The following KAZN variants were observed in gnomAD, a reference collection of about 807,000 sequenced individuals.
KAZN encodes kazrin, periplakin interacting protein.
A neutral mutation model predicts 87.4 loss-of-function variants in KAZN; 40 were observed. The ratio of observed to expected loss-of-function variants is 0.46; its 90% confidence interval spans 0.36 to 0.60. The LOEUF (loss-of-function observed/expected upper bound fraction) is 0.60, where lower values mean the gene tolerates loss of function less well. Ranked by LOEUF, KAZN falls within the 20% of genes least tolerant of loss-of-function variation. KAZN has a pLI of 0.00. For missense variants in KAZN, 898 were observed against 1,073.9 expected (o/e 0.84, Z 2.29); for synonymous variants, 466 against 458.3 (o/e 1.02, Z -0.22).
At chr1:14,370,625 A>G (rs1660402047) in intron 2 of KAZN, among the ~76,000 whole-genome samples, 1 of 151,228 alleles carries the variant, frequency 6.6e-6, no homozygotes, top group Non-Finnish European at 1.5e-5. Context: ...TATTGGGCTG[A>G]AAAACCTGGG....
chr1:15,064,662 G>A (rs1000503871), intron 7 of KAZN, among the ~76,000 whole-genome samples: 12 of 152,188 alleles, frequency 7.9e-5, no homozygotes, highest in South Asian at 2.1e-4. Context: ...TGGAGCCCCC[G>A]GTGGCCATAC....
At chr1:14,137,509 A>C (rs1645133144) in intron 1 of KAZN, among the ~76,000 whole-genome samples, 1 of 152,100 alleles carries the variant, frequency 6.6e-6, no homozygotes, top group Admixed American at 6.6e-5. Flanking sequence ...CTCAAGTTCT[A>C]TTGATACCAC....
chr1:14,408,362 A>C (rs950516705), intron 2 of KAZN, among the ~76,000 whole-genome samples: 1 of 152,144 alleles, frequency 6.6e-6, no homozygotes, highest in Non-Finnish European at 1.5e-5. Flanking sequence ...TCCTTCATTC[A>C]TCTAGTAGAT....
chr1:14,726,276 G>A (rs2100325602), intron 1 of KAZN, among the ~76,000 whole-genome samples: 1 of 152,346 alleles, frequency 6.6e-6, no homozygotes, highest in East Asian at 1.9e-4. Flanking sequence ...AGAAGCAGAT[G>A]TACACCCCGC....
At chr1:14,915,600 CT>C (rs1335126869) in intron 1 of KAZN, among the ~76,000 whole-genome samples, 15 of 152,228 alleles carry the variant, frequency 9.9e-5, no homozygotes, top group African/African-American at 3.6e-4. Context: ...TGAGTCCCCC[CT>C]CTTTATGAAG....
rs1230904304 is a variant in KAZN, at chr1:14,969,514, C to T, written c.418+8639C>T. On this transcript the variant is annotated intron_variant, in intron 2 of 14. Coordinates refer to ENST00000376030, the MANE Select transcript of KAZN (RefSeq NM_201628.3). ...TAGAAGACTCTTTGCTGGTAAATCT[C>T]GGAACTCACTGGAAGCTTCCACAAA... is the stretch of plus-strand genomic sequence containing the variant. 4.6e-5 allele frequency among the ~76,000 whole-genome samples: 7 copies of T among 152,348 alleles called. No homozygotes were observed. The East Asian group carries it at 5.8e-4, about 13-fold the overall frequency.
intron 1 of KAZN, among the ~76,000 whole-genome samples, chr1:14,660,064 C>T (rs1639050227): frequency 6.6e-6 from 1 of 152,128 alleles, no homozygotes; most frequent in Non-Finnish European, 1.5e-5. Flanking sequence ...CCCAGGGCAG[C>T]CGCTCTGCAA....
intron 1 of KAZN, among the ~76,000 whole-genome samples, chr1:14,034,371 T>C (rs1641457165): frequency 6.6e-6 from 1 of 152,194 alleles, no homozygotes; most frequent in South Asian, 2.1e-4. Flanking sequence ...AGAGTCCTGT[T>C]TGGCCAGGGC....
intron 2 of KAZN, among the ~76,000 whole-genome samples, chr1:14,983,058 C>A (rs747479733): frequency 3.3e-5 from 5 of 152,336 alleles, no homozygotes; most frequent in Non-Finnish European, 7.3e-5. Context: ...GCTAACAAAT[C>A]GCTTTTGCCT....
intron 1 of KAZN, among the ~76,000 whole-genome samples, chr1:13,988,021 A>G (rs1305720233): frequency 6.6e-6 from 1 of 152,198 alleles, no homozygotes; most frequent in African/African-American, 2.4e-5. Flanking sequence ...AAGCACTTTT[A>G]TAATTGACAT....
At chr1:13,993,642 C>A (rs1269445800) in intron 1 of KAZN, among the ~76,000 whole-genome samples, 2 of 152,166 alleles carry the variant, frequency 1.3e-5, no homozygotes, top group Non-Finnish European at 2.9e-5. Flanking sequence ...AGATCCCAGC[C>A]TTCGTGGAGC....
intron 2 of KAZN, among the ~76,000 whole-genome samples, chr1:14,202,529 C>A (rs1039110447): frequency 4.6e-5 from 7 of 152,118 alleles, no homozygotes; most frequent in African/African-American, 1.7e-4. Context: ...GTGGGGAGAA[C>A]AAGTTCTGGA....
chr1:14,291,664 G>C (rs900150169), intron 2 of KAZN, among the ~76,000 whole-genome samples: 5 of 152,166 alleles, frequency 3.3e-5, no homozygotes, highest in African/African-American at 1.2e-4. Context: ...GCCCTGCCCT[G>C]TTTCAGCTCA....
intron 1 of KAZN, among the ~76,000 whole-genome samples, chr1:14,707,665 T>A (rs1476119080): frequency 6.6e-6 from 1 of 152,210 alleles, no homozygotes; most frequent in African/African-American, 2.4e-5. Context: ...TTGAAGATTT[T>A]GCTCCAAGAC....
intron 2 of KAZN, among the ~76,000 whole-genome samples, chr1:14,318,432 G>C (rs190184483): frequency 3.3e-5 from 5 of 151,680 alleles, no homozygotes; most frequent in Non-Finnish European, 7.4e-5. Context: ...TTTTATCTTT[G>C]TTCCTTTGAG....
intron 2 of KAZN, among the ~76,000 whole-genome samples, chr1:15,029,306 C>T (rs1671456488): frequency 6.6e-6 from 1 of 152,234 alleles, no homozygotes; most frequent in African/African-American, 2.4e-5. Context: ...CACTCCTGTC[C>T]TCACAGCAGC....
chr1:14,365,249 A>G (rs1027999087), intron 2 of KAZN, among the ~76,000 whole-genome samples: 9 of 151,506 alleles, frequency 5.9e-5, no homozygotes, highest in South Asian at 2.1e-4. Context: ...GGTTTTCACC[A>G]TGTTAGCCAG....
At chr1:14,819,788 A>C (rs1379813397) in intron 1 of KAZN, among the ~76,000 whole-genome samples, 1 of 148,346 alleles carries the variant, frequency 6.7e-6, no homozygotes, top group Non-Finnish European at 1.5e-5. Flanking sequence ...GCTCATTGCA[A>C]CCTCCGTCTC....
intron 1 of KAZN, among the ~76,000 whole-genome samples, chr1:14,790,796 G>A (rs1331351179): frequency 6.6e-6 from 1 of 152,114 alleles, no homozygotes; most frequent in African/African-American, 2.4e-5. Context: ...AGGCTCAAGC[G>A]ATTCTCTCAC....
Sources: allele counts gnomAD v4.1 joint callset (sites outside exome capture counted in the v4.1 genomes callset), GRCh38; gene constraint gnomAD v4.1.1; transcripts MANE v1.5; gene names NCBI Gene and HGNC (gene_info 2026-07-23, HGNC 2026-07-21).